The following RBMS3 variants were observed in gnomAD, a reference collection of about 807,000 sequenced individuals.
RBMS3 encodes RNA binding motif single stranded interacting protein 3.
A neutral mutation model predicts 66.8 loss-of-function variants in RBMS3; 27 were observed. That is an observed-to-expected ratio of 0.40 (90% CI 0.30 to 0.56). The LOEUF (loss-of-function observed/expected upper bound fraction) is 0.56, where lower values mean the gene tolerates loss of function less well. Ranked by LOEUF, RBMS3 falls within the 20% of genes least tolerant of loss-of-function variation. RBMS3 has a pLI of 0.40. For synonymous variants in RBMS3, 188 were observed against 183.0 expected, an observed-to-expected ratio of 1.03 and a Z score of -0.22; for missense variants, 513 against 549.5, an observed-to-expected ratio of 0.93 and a Z score of 0.66.
intron 4 of RBMS3, among the ~76,000 whole-genome samples, chr3:29,647,944 AGAG>A (rs1559535326): frequency 6.6e-6 from 1 of 152,222 alleles, no homozygotes; most frequent in Non-Finnish European, 1.5e-5. Context: ...AAAATCATAC[AGAG>A]GTGTTACTGT....
chr3:29,310,978 C>T (rs1575518892), intron 1 of RBMS3, among the ~76,000 whole-genome samples: 1 of 151,808 alleles, frequency 6.6e-6, no homozygotes, highest in Admixed American at 6.6e-5. Flanking sequence ...CACAGTCCAA[C>T]TCCCAGTGAG....
intron 3 of RBMS3, among the ~76,000 whole-genome samples, chr3:29,566,266 GCATGC>G (rs1175153826): frequency 6.6e-6 from 1 of 152,102 alleles, no homozygotes; most frequent in African/African-American, 2.4e-5. Flanking sequence ...GACATTAACA[GCATGC>G]TGTGATAGAC....
intron 6 of RBMS3, among the ~76,000 whole-genome samples, chr3:29,852,834 G>T (rs553403139): frequency 4.6e-5 from 7 of 152,216 alleles, no homozygotes; most frequent in Admixed American, 3.3e-4. Flanking sequence ...AGTATAAATT[G>T]TTCTATTATA....
At chr3:29,527,738 C>A (rs2045186898) in intron 3 of RBMS3, among the ~76,000 whole-genome samples, 1 of 152,012 alleles carries the variant, frequency 6.6e-6, no homozygotes, top group Non-Finnish European at 1.5e-5. Context: ...TGGTGTGCTG[C>A]ACCCATTAAC....
chr3:29,570,334 A>G (rs1027580264), intron 3 of RBMS3, among the ~76,000 whole-genome samples: 1 of 152,054 alleles, frequency 6.6e-6, no homozygotes, highest in African/African-American at 2.4e-5. Flanking sequence ...AAGACATCCA[A>G]TTCTTTTAGT....
chr3:29,339,556 A>G (rs1382952638), intron 1 of RBMS3, among the ~76,000 whole-genome samples: 2 of 151,084 alleles, frequency 1.3e-5, no homozygotes, highest in South Asian at 4.2e-4. Flanking sequence ...CTGCAGAGTG[A>G]TTAGATCTCA....
At chr3:29,457,094 G>A (rs2125772195) in intron 2 of RBMS3, among the ~76,000 whole-genome samples, 1 of 152,222 alleles carries the variant, frequency 6.6e-6, no homozygotes, top group South Asian at 2.1e-4. Flanking sequence ...TGAGCCTGTG[G>A]CATGAGTTGA....
At chr3:29,915,156 A>C (rs1475063954) in intron 10 of RBMS3, among the ~76,000 whole-genome samples, 95 of 50,158 alleles carry the variant, frequency 1.9e-3, no homozygotes, top group African/African-American at 0.01. Context: ...GAGTGTTCCT[A>C]AAAAAAAAAA....
chr3:29,958,496 C>T (rs12488255), intron 12 of RBMS3, among the ~76,000 whole-genome samples: 7,248 of 151,646 alleles, frequency 0.048, 407 homozygotes, highest in East Asian at 0.16. Flanking sequence ...TATTTTAATC[C>T]CTTTAGGAAA....
chr3:29,456,381 TA>T (rs1280762063), intron 2 of RBMS3, among the ~76,000 whole-genome samples: 1 of 152,144 alleles, frequency 6.6e-6, no homozygotes, highest in Non-Finnish European at 1.5e-5. Flanking sequence ...ATAGAATGCA[TA>T]AAGGCACATC....
chr3:29,691,157 C>T (rs145751140), intron 4 of RBMS3, among the ~76,000 whole-genome samples: 6 of 152,250 alleles, frequency 3.9e-5, no homozygotes, highest in Non-Finnish European at 5.9e-5. Context: ...ATTTTGACAT[C>T]GCAGTCTTGT....
At chr3:29,382,419 C>T (rs141930215) in intron 1 of RBMS3, among the ~76,000 whole-genome samples, 33 of 152,294 alleles carry the variant, frequency 2.2e-4, no homozygotes, top group African/African-American at 7.0e-4. Flanking sequence ...ATTTCTTCCT[C>T]AACGCTTACT....
At chr3:29,592,630 C>T (rs1383032816) in intron 4 of RBMS3, among the ~76,000 whole-genome samples, 3 of 152,120 alleles carry the variant, frequency 2.0e-5, no homozygotes, top group African/African-American at 7.2e-5. Flanking sequence ...AATAGAAATA[C>T]CATTTGACCC....
At chr3:29,916,144 G>A (rs1459878004) in intron 10 of RBMS3, among the ~76,000 whole-genome samples, 1 of 151,982 alleles carries the variant, frequency 6.6e-6, no homozygotes, top group Non-Finnish European at 1.5e-5. Flanking sequence ...AATTGTTACA[G>A]CATTGGTTTC....
intron 3 of RBMS3, among the ~76,000 whole-genome samples, chr3:29,551,400 A>G (rs2046174418): frequency 6.6e-6 from 1 of 152,246 alleles, no homozygotes; most frequent in African/African-American, 2.4e-5. Flanking sequence ...ATAAGATAGT[A>G]AGCCCCAAAT....
At chr3:29,428,221 C>T (rs915986712) in intron 1 of RBMS3, among the ~76,000 whole-genome samples, 1 of 151,978 alleles carries the variant, frequency 6.6e-6, no homozygotes, top group Non-Finnish European at 1.5e-5. Flanking sequence ...GATTTCCCAA[C>T]CCTACAGGGG....
intron 1 of RBMS3, among the ~76,000 whole-genome samples, chr3:29,336,609 A>C (rs2125526990): frequency 6.6e-6 from 1 of 152,310 alleles, no homozygotes; most frequent in Non-Finnish European, 1.5e-5. Context: ...ATAATTTATT[A>C]ATCAGCTACC....
intron 6 of RBMS3, among the ~76,000 whole-genome samples, chr3:29,781,122 G>A (rs147739929): frequency 1.2e-3 from 82 of 67,650 alleles, no homozygotes; most frequent in African/African-American, 4.0e-3. Context: ...CCCCTCCCCC[G>A]AGAATAGTTC....
At chr3:29,334,507 A>G (rs577151279) in intron 1 of RBMS3, among the ~76,000 whole-genome samples, 3 of 152,232 alleles carry the variant, frequency 2.0e-5, no homozygotes, top group African/African-American at 7.2e-5. Context: ...TTAATAGTTT[A>G]ATTTTTTTTT....
Sources: gnomAD v4.1 joint callset for allele counts (sites outside exome capture counted in the v4.1 genomes callset) on GRCh38, gnomAD v4.1.1 for gene constraint, MANE v1.5 for transcripts, NCBI Gene and HGNC (gene_info 2026-07-23, HGNC 2026-07-21) for gene names.